The following RYR2 variants were observed in gnomAD, a reference collection of about 807,000 sequenced individuals.
RYR2 encodes ryanodine receptor 2, also known as cardiac muscle ryanodine receptor-calcium release channel.
Under a neutral mutation model 601.1 loss-of-function variants are expected in RYR2, and 227 were observed. The observed-to-expected ratio is 0.38, with a 90% CI of 0.34 to 0.42. The LOEUF is 0.42. RYR2 is among the 10% of genes least tolerant of loss of function. The pLI is 1.00. For synonymous variants in RYR2, 2,223 were observed against 2,175.1 expected (o/e 1.02, Z -0.61); for missense variants, 4,646 against 6,156.5 (o/e 0.75, Z 8.21).
chr1:237,638,743 T>A (rs1245350728), intron 45 of RYR2, among the ~76,000 whole-genome samples: 1 of 152,226 alleles, frequency 6.6e-6, no homozygotes, highest in African/African-American at 2.4e-5. Flanking sequence ...AATAATAGTT[T>A]GGATTATGAC....
intron 35 of RYR2, among the ~76,000 whole-genome samples, chr1:237,605,658 T>C (rs1677038815): frequency 1.3e-5 from 2 of 151,790 alleles, no homozygotes; most frequent in East Asian, 1.9e-4. Context: ...AATTGTATAT[T>C]TAGAAAACCC....
chr1:237,706,188 G>T (rs1378806360), intron 67 of RYR2, among the ~76,000 whole-genome samples: 4 of 152,122 alleles, frequency 2.6e-5, no homozygotes, highest in Non-Finnish European at 5.9e-5. Context: ...GGCAGAGTTT[G>T]CAGTGAGCCA....
At chr1:237,426,673 C>A (rs1401931442) in intron 12 of RYR2, among the ~76,000 whole-genome samples, 1 of 152,074 alleles carries the variant, frequency 6.6e-6, no homozygotes, top group Non-Finnish European at 1.5e-5. Context: ...ATATAACATA[C>A]CCAAATAAAA....
intron 10 of RYR2, among the ~76,000 whole-genome samples, chr1:237,388,421 A>G (rs1702117412): frequency 6.6e-6 from 1 of 152,206 alleles, no homozygotes; most frequent in Admixed American, 6.5e-5. Flanking sequence ...ATATTAAGAA[A>G]CACTGAACAA....
At chr1:237,142,729 G>A (rs1312857589) in intron 1 of RYR2, among the ~76,000 whole-genome samples, 9 of 152,156 alleles carry the variant, frequency 5.9e-5, no homozygotes, top group Admixed American at 3.3e-4. Context: ...CAGAGGGACC[G>A]CTAAGCCCTA....
intron 79 of RYR2, among the ~76,000 whole-genome samples, chr1:237,734,731 A>G (rs1690990000): frequency 2.0e-5 from 3 of 152,328 alleles, no homozygotes; most frequent in Admixed American, 2.0e-4. Flanking sequence ...GCTGCACCAG[A>G]ATAATTACAG....
chr1:237,292,488 T>A (rs1444541640), intron 2 of RYR2, among the ~76,000 whole-genome samples: 2 of 152,196 alleles, frequency 1.3e-5, no homozygotes, highest in Non-Finnish European at 2.9e-5. Context: ...CCTACTTAGC[T>A]TTGACTGTGT....
chr1:237,508,236 C>T (rs1308791007), intron 23 of RYR2, among the ~76,000 whole-genome samples: 1 of 152,114 alleles, frequency 6.6e-6, no homozygotes. Context: ...GCTGGGATTA[C>T]AGGCTGGATT....
intron 1 of RYR2, among the ~76,000 whole-genome samples, chr1:237,123,549 T>C (rs1180869762): frequency 6.6e-6 from 1 of 151,960 alleles, no homozygotes; most frequent in African/African-American, 2.4e-5. Flanking sequence ...ACTGTGCCAC[T>C]GCGCTCAAAT....
At chr1:237,259,369 A>T (rs1449398323) in intron 1 of RYR2, among the ~76,000 whole-genome samples, 1 of 151,954 alleles carries the variant, frequency 6.6e-6, no homozygotes, top group Admixed American at 6.6e-5. Flanking sequence ...TTAGCCAGGC[A>T]TGGTGCTGTG....
chr1:237,143,577 G>A (rs1007048245), intron 1 of RYR2, among the ~76,000 whole-genome samples: 3 of 152,104 alleles, frequency 2.0e-5, no homozygotes, highest in South Asian at 2.1e-4. Flanking sequence ...AGAACTTACC[G>A]TGTAGAGTTC....
intron 2 of RYR2, among the ~76,000 whole-genome samples, chr1:237,294,669 A>G (rs1490216382): frequency 6.6e-6 from 1 of 152,208 alleles, no homozygotes; most frequent in Non-Finnish European, 1.5e-5. Flanking sequence ...GTATGCACAC[A>G]CGCATATACA....
chr1:237,657,948 A>G lies in RYR2; in HGVS notation c.8134A>G (p.Thr2712Ala). 1 of 1,492,044 alleles carries G rather than the reference A, an allele frequency of 6.7e-7. No individual in the cohort carries two copies. The highest frequency in any genetic ancestry group is 9.0e-7 in the Non-Finnish European group (1 of 1,109,314). 92.4% of individuals were successfully genotyped at this position (1,492,044 alleles called of 1,614,324 possible). The change falls in exon 54 of 105, where the codon ACA (threonine) becomes GCA (alanine). Residue 2712 changes from threonine (T) to alanine (A), a missense_variant. Physicochemically the swap from Thr to Ala is moderately conservative, Grantham distance 58. This residue lies in a region of RYR2 where 1,497 missense variants were observed against 1,842.6 expected (regional missense o/e 0.81). Transcript: ENST00000366574. The stretch of plus-strand genomic sequence containing the variant: ...TTGTCTTTACTTTTCTCATAGTATT[A>G]CAATTCCTGAGAAATTGGAATACTT... ...NPQPVDTSNI[T>A]IPEKLEYFIN...
chr1:237,073,628 T>C (rs776560363), intron 1 of RYR2, among the ~76,000 whole-genome samples: 1 of 152,124 alleles, frequency 6.6e-6, no homozygotes, highest in Non-Finnish European at 1.5e-5. Context: ...TCCCACACTT[T>C]GGGAGGCTGA....
At chr1:237,650,503 A>T (rs1401496229) in intron 50 of RYR2, among the ~76,000 whole-genome samples, 2 of 152,266 alleles carry the variant, frequency 1.3e-5, no homozygotes, top group African/African-American at 4.8e-5. Flanking sequence ...ATAAAATGTG[A>T]TACAGCATAA....
chr1:237,210,241 C>T (rs1420222128), intron 1 of RYR2, among the ~76,000 whole-genome samples: 1 of 152,044 alleles, frequency 6.6e-6, no homozygotes, highest in Admixed American at 6.5e-5. Context: ...TTTAACATGG[C>T]TGAATTCTAA....
intron 80 of RYR2, among the ~76,000 whole-genome samples, chr1:237,750,729 A>G (rs1275347128): frequency 6.6e-6 from 1 of 152,120 alleles, no homozygotes; most frequent in African/African-American, 2.4e-5. Flanking sequence ...AGTTAACACC[A>G]TTTTTTGACA....
chr1:237,209,517 T>TGTGTGTGTGTGTGTG (rs1558429611), intron 1 of RYR2, among the ~76,000 whole-genome samples: 2 of 20,826 alleles, frequency 9.6e-5, no homozygotes, highest in Non-Finnish European at 4.1e-4. Flanking sequence ...GTGTGTGTAT[T>TGTGTGTGTGTGTGTG]TTTTTTTTTT....
intron 70 of RYR2, among the ~76,000 whole-genome samples, chr1:237,710,859 A>G (rs145159512): frequency 1.3e-5 from 2 of 152,294 alleles, no homozygotes; most frequent in East Asian, 3.9e-4. Context: ...GAATGTATAA[A>G]TAAATGAATT....
Sources: gnomAD v4.1 joint callset for allele counts (sites outside exome capture counted in the v4.1 genomes callset) on GRCh38, gnomAD v4.1.1 for gene constraint, gnomAD v4.1.1 regional missense constraint, MANE v1.5 for transcripts, NCBI Gene and HGNC (gene_info 2026-07-23, HGNC 2026-07-21) for gene names.